Variants in TTC3 observed in about 807,000 individuals in gnomAD.
TTC3 encodes the protein E3 ubiquitin-protein ligase TTC3.
TTC3 carries 180 observed loss-of-function variants against 249.6 expected under a neutral mutation model. The ratio of observed to expected loss-of-function variants is 0.72; its 90% CI spans 0.64 to 0.82. TTC3 has a LOEUF of 0.82. Ranked by LOEUF, TTC3 falls within the 40% of genes least tolerant of loss-of-function variation. The probability of loss-of-function intolerance (pLI) is 0.00; values close to 1 mark genes in which losing one functional copy is unlikely to be tolerated. For missense variants in TTC3, 2,061 were observed against 2,398.4 expected, an observed-to-expected ratio of 0.86 and a Z score of 2.94; for synonymous variants, 717 against 805.0, an observed-to-expected ratio of 0.89 and a Z score of 1.85.
intron 20 of TTC3, among the ~76,000 whole-genome samples, chr21:37,141,478 GT>G (rs961865915): frequency 4.0e-5 from 6 of 150,762 alleles, no homozygotes; most frequent in South Asian, 4.2e-4. Context: ...ATTAAAGAAA[GT>G]TTTTTTTTGG....
intron 10 of TTC3, chr21:37,098,073 AGAGGAATG>A (rs2074121102): frequency 1.7e-6 from 1 of 599,308 alleles, no homozygotes; most frequent in Non-Finnish European, 3.0e-6. Flanking sequence ...TATCTAGACT[AGAGGAATG>A]GATGGGCTTG....
Position 37,095,724 on chromosome 21 carries a change from T to G in TTC3, c.782+280T>G, listed in dbSNP as rs1028184875. On this transcript the variant is annotated intron_variant, in intron 9 of 45. Transcript: ENST00000355666. Reference sequence around the variant, plus strand: ...AGTTACCTCTTTTGTCTTGTTCTCATTTTGCTATCAACCAAGTCCTCCCAA... The same window carrying G: ...AGTTACCTCTTTTGTCTTGTTCTCAGTTTGCTATCAACCAAGTCCTCCCAA... Among the ~76,000 whole-genome samples, 3 of 152,220 alleles carry G rather than the reference T, an allele frequency of 2.0e-5. 1 individual carries two copies. In the South Asian group the frequency reaches 6.2e-4, roughly 31 times the overall value.
intron 11 of TTC3, among the ~76,000 whole-genome samples, chr21:37,112,463 CACAT>C (rs1335717649): frequency 2.0e-5 from 3 of 152,194 alleles, no homozygotes; most frequent in Non-Finnish European, 4.4e-5. Flanking sequence ...AATTCCTCGA[CACAT>C]ACACTCTCCC....
At chr21:37,077,110 T>TA (rs397700536) in intron 1 of TTC3, among the ~76,000 whole-genome samples, 3 of 151,862 alleles carry the variant, frequency 2.0e-5, no homozygotes, top group Non-Finnish European at 4.4e-5. Context: ...CTTTTTTTTT[T>TA]ATGTTATCAG....
chr21:37,107,400 G>T (rs528069594), intron 10 of TTC3, among the ~76,000 whole-genome samples: 1 of 152,276 alleles, frequency 6.6e-6, no homozygotes, highest in East Asian at 1.9e-4. Flanking sequence ...AGTTCCAGGG[G>T]TGCAGTGATG....
intron 5 of TTC3, among the ~76,000 whole-genome samples, chr21:37,089,733 C>T (rs909061247): frequency 2.6e-5 from 4 of 152,010 alleles, no homozygotes; most frequent in African/African-American, 4.8e-5. Context: ...AGGCTGGTCT[C>T]GAACTCCTGA....
intron 10 of TTC3, chr21:37,098,834 C>T (rs576112974): frequency 1.3e-5 from 2 of 152,170 alleles, no homozygotes; most frequent in East Asian, 3.9e-4. Flanking sequence ...ACAGGAGGAC[C>T]CATGCCTGAG....
chr21:37,121,448 A>G (rs970340797), intron 11 of TTC3: 10 of 159,058 alleles, frequency 6.3e-5, no homozygotes, highest in African/African-American at 2.2e-4. Flanking sequence ...ACTGCCTTCA[A>G]ATATTTTTAA....
intron 1 of TTC3, among the ~76,000 whole-genome samples, chr21:37,075,152 C>G (rs1293324105): frequency 7.6e-6 from 1 of 131,070 alleles, no homozygotes; most frequent in Admixed American, 8.1e-5. Context: ...ATATACATGC[C>G]TTTTTGCAAC....
chr21:37,134,776 T>C (rs1449591851), intron 17 of TTC3, among the ~76,000 whole-genome samples: 2 of 152,240 alleles, frequency 1.3e-5, no homozygotes, highest in Admixed American at 6.5e-5. Flanking sequence ...GGGCACATGA[T>C]AGCAATTTTG....
intron 34 of TTC3, among the ~76,000 whole-genome samples, chr21:37,169,500 C>T (rs1196779225): frequency 2.6e-5 from 4 of 151,398 alleles, no homozygotes; most frequent in Non-Finnish European, 4.4e-5. Context: ...GCCAAGATCA[C>T]GCCAGTGTAC....
At chr21:37,200,984 G>A (rs567838393) in intron 45 of TTC3, among the ~76,000 whole-genome samples, 1 of 152,344 alleles carries the variant, frequency 6.6e-6, no homozygotes, top group South Asian at 2.1e-4. Context: ...TGGGCTAGCT[G>A]ACTGTCCACA....
chr21:37,128,390 C>A (rs1004933898), intron 15 of TTC3, among the ~76,000 whole-genome samples: 1 of 152,208 alleles, frequency 6.6e-6, no homozygotes, highest in Non-Finnish European at 1.5e-5. Context: ...CCTCAGCCTG[C>A]CTTAGCAGCC....
chr21:37,102,555 G>T (rs2074616454), intron 10 of TTC3, among the ~76,000 whole-genome samples: 1 of 152,180 alleles, frequency 6.6e-6, no homozygotes, highest in Admixed American at 6.5e-5. Flanking sequence ...TTACTATTAG[G>T]TTGGTGCAAA....
intron 11 of TTC3, among the ~76,000 whole-genome samples, chr21:37,120,219 G>A (rs1314340919): frequency 6.6e-6 from 1 of 152,156 alleles, no homozygotes; most frequent in African/African-American, 2.4e-5. Flanking sequence ...GATAGAGAAT[G>A]AGATAGTGAA....
rs202044030 is a variant in TTC3, at chr21:37,108,262, AT to A, written c.846-122del. Reference sequence around the variant, plus strand: ...CCTATAATGGACATATATTATATGGATTTTTTTTAATTAAAATTATCTTTTG... The same window carrying A: ...CCTATAATGGACATATATTATATGGATTTTTTTAATTAAAATTATCTTTTG... On this transcript the variant is annotated intron_variant, in intron 10 of 45. Coordinates refer to ENST00000355666, the Ensembl canonical transcript of TTC3. 2,334 of 705,016 alleles carry A rather than the reference AT, an allele frequency of 3.3e-3. 26 individuals are homozygous for A. Among genetic ancestry groups the A allele is most frequent in the African/African-American group, 0.029 (1,625 of 55,130 alleles). 43.7% of individuals were successfully genotyped at this position (705,016 alleles called of 1,614,324 possible). A position where few individuals can be genotyped will look rare whatever the true frequency, so the allele number is the denominator to read the frequency against.
chr21:37,093,201 C>T (rs2073502662), intron 7 of TTC3: 1 of 151,998 alleles, frequency 6.6e-6, no homozygotes, highest in African/African-American at 2.4e-5. Context: ...CATGGTGAAA[C>T]CCCGTCTCTA....
chr21:37,168,219 G>T (rs2081418341), intron 34 of TTC3, among the ~76,000 whole-genome samples: 1 of 152,086 alleles, frequency 6.6e-6, no homozygotes, highest in African/African-American at 2.4e-5. Context: ...AATATTTTAA[G>T]CCAAAAGCCA....
At chr21:37,114,345 A>G (rs1408290449) in intron 11 of TTC3, among the ~76,000 whole-genome samples, 1 of 152,224 alleles carries the variant, frequency 6.6e-6, no homozygotes, top group Non-Finnish European at 1.5e-5. Context: ...TTTACAAGAA[A>G]AAAACAACCC....
Sources: allele counts gnomAD v4.1 joint callset (sites outside exome capture counted in the v4.1 genomes callset), GRCh38; gene constraint gnomAD v4.1.1; transcripts MANE v1.5; gene names NCBI Gene and HGNC (gene_info 2026-07-23, HGNC 2026-07-21).